Variants in GNAO1 observed in about 807,000 individuals in gnomAD.
GNAO1 encodes the protein guanine nucleotide-binding protein G(o) subunit alpha.
For synonymous variants in GNAO1, 164 were observed against 180.7 expected, an observed-to-expected ratio of 0.91 and a Z score of 0.74; for missense variants, 166 against 478.7, an observed-to-expected ratio of 0.35 and a Z score of 6.10.
At chr16:56,281,391 C>T (rs60059063) in intron 3 of GNAO1, among the ~76,000 whole-genome samples, 1 of 152,182 alleles carries the variant, frequency 6.6e-6, no homozygotes, top group African/African-American at 2.4e-5. Context: ...GCCTTACCCC[C>T]CTGGGTTCTC....
intron 2 of GNAO1, among the ~76,000 whole-genome samples, chr16:56,227,672 A>G (rs1304299605): frequency 8.0e-6 from 1 of 124,836 alleles, no homozygotes; most frequent in Non-Finnish European, 1.6e-5. Flanking sequence ...TGAGTGACAG[A>G]GGAAGACCCT....
intron 2 of GNAO1, among the ~76,000 whole-genome samples, chr16:56,228,145 G>A (rs138660228): frequency 1.2e-4 from 19 of 152,266 alleles, no homozygotes; most frequent in Admixed American, 1.0e-3. Context: ...TTGCAGAGCC[G>A]AAAAGGGAGG....
At chr16:56,317,689 GGGTAGGT>G (rs1193132298) in intron 3 of GNAO1, among the ~76,000 whole-genome samples, 6 of 152,136 alleles carry the variant, frequency 3.9e-5, no homozygotes, top group Admixed American at 3.3e-4. Flanking sequence ...TAGGTATCCT[GGGTAGGT>G]GGTGCAGGAT....
intron 3 of GNAO1, among the ~76,000 whole-genome samples, chr16:56,319,862 C>T (rs1444289176): frequency 1.3e-5 from 2 of 152,104 alleles, no homozygotes; most frequent in African/African-American, 4.8e-5. Context: ...TCTCCTTGCC[C>T]ACCCCTTTCT....
intron 6 of GNAO1, among the ~76,000 whole-genome samples, chr16:56,341,167 C>T (rs573315352): frequency 6.6e-6 from 1 of 152,338 alleles, no homozygotes; most frequent in African/African-American, 2.4e-5. Context: ...GCCGGGGCTT[C>T]CTCATCAGGG....
intron 3 of GNAO1, among the ~76,000 whole-genome samples, chr16:56,310,141 TA>T (rs2037440169): frequency 6.7e-6 from 1 of 149,506 alleles, no homozygotes; most frequent in East Asian, 1.9e-4. Flanking sequence ...ACCCCATTTC[TA>T]AAAAACAAAA....
intron 2 of GNAO1, among the ~76,000 whole-genome samples, chr16:56,197,183 G>A (rs144348390): frequency 1.3e-3 from 196 of 152,312 alleles, no homozygotes; most frequent in African/African-American, 3.8e-3. Flanking sequence ...AAGTGCGTCC[G>A]TCTAAAAGGA....
At position 56,236,765 on chromosome 16, in the gene GNAO1, G is replaced by A. The variant is rs562448035; in HGVS notation, c.162-39166G>A. Among the ~76,000 whole-genome samples, 4 of 152,244 alleles carry A rather than the reference G, an allele frequency of 2.6e-5. No individual in the cohort carries two copies. The South Asian group carries it at 8.3e-4, about 32-fold the overall frequency. On this transcript the variant is annotated intron_variant, in intron 2 of 8. Transcript: ENST00000262493. ...ATCGCCAAATACCTATGGCTTTGAG[G>A]GACTTTTGAACACAAAGGCAGACTC...
At chr16:56,274,332 G>A (rs2037042952) in intron 2 of GNAO1, among the ~76,000 whole-genome samples, 1 of 152,198 alleles carries the variant, frequency 6.6e-6, no homozygotes. Context: ...AGATCTCTCT[G>A]GGGTGGTGCA....
intron 3 of GNAO1, 22 bp downstream of exon 3, chr16:56,276,094 CACAGCA>C: frequency 6.2e-7 from 1 of 1,603,636 alleles, no homozygotes; most frequent in South Asian, 1.1e-5. Flanking sequence ...AGCCCATAAG[CACAGCA>C]ACAAGAGGTT....
At chr16:56,304,438 T>C (rs2037374397) in intron 3 of GNAO1, among the ~76,000 whole-genome samples, 1 of 152,250 alleles carries the variant, frequency 6.6e-6, no homozygotes, top group East Asian at 1.9e-4. Context: ...AAATACGGGA[T>C]ATATTAGATG....
chr16:56,295,232 A>G (rs534955856), intron 3 of GNAO1, among the ~76,000 whole-genome samples: 11 of 152,164 alleles, frequency 7.2e-5, no homozygotes, highest in Non-Finnish European at 1.5e-4. Context: ...AGAAGTGATC[A>G]TGGTATCAGA....
At chr16:56,256,686 G>GTCTC (rs1172369417) in intron 2 of GNAO1, among the ~76,000 whole-genome samples, 70 of 136,530 alleles carry the variant, frequency 5.1e-4, no homozygotes, top group Non-Finnish European at 8.1e-4. Flanking sequence ...CTTTCTCTCT[G>GTCTC]TCTCTCTCTC....
At chr16:56,246,053 C>T (rs1386387200) in intron 2 of GNAO1, among the ~76,000 whole-genome samples, 1 of 152,188 alleles carries the variant, frequency 6.6e-6, no homozygotes, top group African/African-American at 2.4e-5. Context: ...GAATCAGAGA[C>T]AGAAGTCAGG....
intron 2 of GNAO1, among the ~76,000 whole-genome samples, chr16:56,275,460 C>T (rs2037053383): frequency 1.3e-5 from 2 of 152,190 alleles, no homozygotes; most frequent in African/African-American, 4.8e-5. Context: ...ATTTGTTTGT[C>T]TTAAGTGAAT....
At chr16:56,268,441 A>G (rs1596831807) in intron 2 of GNAO1, among the ~76,000 whole-genome samples, 1 of 152,168 alleles carries the variant, frequency 6.6e-6, no homozygotes, top group African/African-American at 2.4e-5. Context: ...GCTGAACCCA[A>G]ATGTGTCACT....
intron 2 of GNAO1, among the ~76,000 whole-genome samples, chr16:56,251,829 C>T (rs2036802490): frequency 6.6e-6 from 1 of 152,294 alleles, no homozygotes; most frequent in South Asian, 2.1e-4. Flanking sequence ...CACTCCAGCA[C>T]CAGTCAGCGA....
chr16:56,242,765 AAAC>A (rs1393386306), intron 2 of GNAO1, among the ~76,000 whole-genome samples: 1 of 152,240 alleles, frequency 6.6e-6, no homozygotes, highest in Non-Finnish European at 1.5e-5. Flanking sequence ...AAAACATCAT[AAAC>A]AACAAAAGAA....
At chr16:56,196,800 C>A (rs1183987877) in intron 2 of GNAO1, among the ~76,000 whole-genome samples, 2 of 152,198 alleles carry the variant, frequency 1.3e-5, no homozygotes, top group Non-Finnish European at 2.9e-5. Flanking sequence ...TCCCACAGTA[C>A]CTGCTTAGTG....
Sources: gnomAD v4.1 joint callset for allele counts (sites outside exome capture counted in the v4.1 genomes callset) on GRCh38, gnomAD v4.1.1 for gene constraint, MANE v1.5 for transcripts, NCBI Gene and HGNC (gene_info 2026-07-23, HGNC 2026-07-21) for gene names.